The following MYH10 variants were observed in gnomAD, a reference collection of about 807,000 sequenced individuals.
The protein encoded by MYH10 is myosin-10.
MYH10 carries 55 observed loss-of-function variants against 257.8 expected under a neutral mutation model. That is an observed-to-expected ratio of 0.21 (90% CI 0.17 to 0.27). The LOEUF (loss-of-function observed/expected upper bound fraction) is 0.27, where lower values mean the gene tolerates loss of function less well. Among genes scored for constraint, MYH10 ranks in the 10% least tolerant of loss-of-function variants. The pLI is 1.00. For missense variants in MYH10, 1,631 were observed against 2,500.6 expected (o/e 0.65, Z 7.42); for synonymous variants, 854 against 921.7 (o/e 0.93, Z 1.33).
rs1216285065 is a variant in MYH10 at position 8,493,735 on chromosome 17, G to T, written c.4207C>A (p.Gln1403Lys). 1 of 1,612,726 alleles carries T rather than the reference G, an allele frequency of 6.2e-7. No individual in the cohort carries two copies. Among genetic ancestry groups the T allele is most frequent in the Non-Finnish European group, 8.5e-7 (1 of 1,179,492 alleles). ...LEKQVLALQSQLADTKKKVDD... is the reference protein window; with the variant it reads ...LEKQVLALQSKLADTKKKVDD... ...GGCCTCCTAAAGAGGACGCACACCT[G>T]GGACTGCAGGGCCAGCACTTGCTTC... Residue 1403 changes from glutamine (Q) to lysine (K), a missense_variant and splice_region_variant, in exon 32 of 43, where the codon CAG becomes AAG. Gln to Lys is a moderately conservative substitution (Grantham distance 53). This residue lies in a region of MYH10 where 463 missense variants were observed against 621.8 expected (regional missense o/e 0.74). Coordinates refer to ENST00000360416, the MANE Select transcript of MYH10 (RefSeq NM_001256012.3).
intron 6 of MYH10, chr17:8,573,957 A>G (rs1022611006): frequency 3.5e-6 from 1 of 282,702 alleles, no homozygotes; most frequent in African/African-American, 2.3e-5. Context: ...CCTGGTGGCA[A>G]TGTCAAATGG....
chr17:8,608,414 AG>A (rs2084893032), intron 2 of MYH10, among the ~76,000 whole-genome samples: 1 of 152,354 alleles, frequency 6.6e-6, no homozygotes, highest in East Asian at 1.9e-4. Flanking sequence ...AAGCCATTAA[AG>A]ACCGAAGTCA....
chr17:8,584,685 C>T (rs990486368), intron 4 of MYH10, among the ~76,000 whole-genome samples: 3 of 152,014 alleles, frequency 2.0e-5, no homozygotes, highest in Non-Finnish European at 4.4e-5. Flanking sequence ...CTGTTGTTTC[C>T]GTCCAATGCC....
chr17:8,521,395 G>A (rs1801432344), intron 17 of MYH10, 110 bp from the exon 18 acceptor site: 1 of 1,159,512 alleles, frequency 8.6e-7, no homozygotes, highest in African/African-American at 1.5e-5. Context: ...ACAAATGACA[G>A]GAGATGCCAT....
Position 8,506,375 on chromosome 17 carries a change from T to A in MYH10, c.3329A>T (p.Asp1110Val). 6.2e-7 allele frequency: 1 copy of A among 1,611,334 alleles called. No individual in the cohort carries two copies. Among genetic ancestry groups the A allele is most frequent in the Non-Finnish European group, 8.5e-7 (1 of 1,179,216 alleles). ...DQIAELQAQI[D>V]ELKLQLAKKE... is the part of the protein sequence containing the mutation. ...CTTGGCCAGCTGCAGCTTGAGCTCA[T>A]CAATCTGCGCCTGCAGCTCTGCGAT... Residue 1110 changes from aspartate (D) to valine (V), a missense_variant, in exon 27 of 43, where the codon GAT (aspartate) becomes GTT (valine). By Grantham distance (152) the Asp-to-Val change is radical. This residue lies in a region of MYH10 where 169 missense variants were observed against 249.8 expected (regional missense o/e 0.68). Transcript: ENST00000360416. The surrounding 1 kb of genome is among the most constrained non-coding windows in gnomAD (Gnocchi z 5.0).
chr17:8,516,206 G>C (rs1024530233), intron 21 of MYH10, among the ~76,000 whole-genome samples: 6 of 152,200 alleles, frequency 3.9e-5, no homozygotes, highest in African/African-American at 1.4e-4. Flanking sequence ...TGTTTGGAAA[G>C]TGGACTTCAA....
chr17:8,542,086 C>T (rs113551537), intron 14 of MYH10, 21 bp downstream of exon 14: 23 of 1,586,064 alleles, frequency 1.5e-5, no homozygotes, highest in African/African-American at 5.4e-5. Flanking sequence ...TGAAAGACAG[C>T]GAGCAAGTGA....
Position 8,530,779 on chromosome 17 carries a change from G to A in MYH10, c.1895-94C>T, listed in dbSNP as rs2081984522. ...ACATTTGACAGCACAAGTCAACTTT[G>A]AAATCGGGCTACAAAAGGAGCTAGT... On this transcript the variant is annotated intron_variant, in intron 16 of 42. Coordinates refer to ENST00000360416, the MANE Select transcript of MYH10 (RefSeq NM_001256012.3). 13 of 950,598 alleles carry A rather than the reference G, an allele frequency of 1.4e-5. 1 individual carries two copies. The South Asian group carries it at 2.0e-4, about 15-fold the overall frequency. 58.9% of individuals were successfully genotyped at this position (950,598 alleles called of 1,614,324 possible).
Position 8,545,671 on chromosome 17 carries a change from A to G in MYH10, c.1279-71T>C. On this transcript the variant is annotated intron_variant, in intron 12 of 42. Transcript: ENST00000360416. The surrounding 1 kb of genome is among the most constrained non-coding windows in gnomAD (Gnocchi z 4.7). Reference sequence around the variant, plus strand: ...CAAAGCATAAATAGCTGTTTTACGGAATTTAATGTTATACAGCACTCAAAA... The same window carrying G: ...CAAAGCATAAATAGCTGTTTTACGGGATTTAATGTTATACAGCACTCAAAA... 5 of 1,516,440 alleles carry G rather than the reference A, an allele frequency of 3.3e-6. No individual in the cohort carries two copies. Among genetic ancestry groups the G allele is most frequent in the Non-Finnish European group, 4.5e-6 (5 of 1,120,310 alleles). The allele number at this position is 1,516,440 out of a possible 1,614,324, so 93.9% of individuals were successfully genotyped here.
chr17:8,606,218 T>C (rs1050746557), intron 2 of MYH10, among the ~76,000 whole-genome samples: 1 of 152,216 alleles, frequency 6.6e-6, no homozygotes, highest in Admixed American at 6.5e-5. Context: ...ATTGACCCTA[T>C]GAATGCTTAT....
intron 14 of MYH10, among the ~76,000 whole-genome samples, chr17:8,538,224 A>T (rs1329780724): frequency 6.6e-6 from 1 of 152,224 alleles, no homozygotes; most frequent in Non-Finnish European, 1.5e-5. Flanking sequence ...TTATTTTTTG[A>T]GACGGAGTCT....
Position 8,552,799 on chromosome 17 carries a change from C to A in MYH10, c.821-655G>T, listed in dbSNP as rs977516476. On this transcript the variant is annotated intron_variant, in intron 8 of 42. Transcript: ENST00000360416. The surrounding 1 kb of genome is among the most constrained non-coding windows in gnomAD (Gnocchi z 4.8). ...TCTTCCCTCTGCTGCTCTGAAGAAC[C>A]GGTGCGGCCAGTACCTACGCCTGCT... is the stretch of plus-strand genomic sequence containing the variant. Among the ~76,000 whole-genome samples the A allele has an allele frequency of 6.6e-6, 1 of 152,180 alleles. No homozygotes were observed. The highest frequency in any genetic ancestry group is 2.4e-5 in the African/African-American group (1 of 41,430).
intron 4 of MYH10, among the ~76,000 whole-genome samples, chr17:8,584,340 G>A (rs1446794093): frequency 6.6e-6 from 1 of 152,212 alleles, no homozygotes; most frequent in East Asian, 1.9e-4. Flanking sequence ...CTGACCTAAA[G>A]GAAGATGCTG....
rs1356493580 is a variant in MYH10 at position 8,478,366 on chromosome 17, C to T, written c.5678G>A (p.Arg1893His). ...CTCTTTATACTGGTCCGCGTGTCGA[C>T]GCTCATCCTCAACCTGCATGAAGAT... ...KEIFMQVEDE[R>H]RHADQYKEQM... is the part of the protein sequence containing the mutation. Residue 1893 changes from arginine to histidine, a missense_variant, in exon 41 of 43, where the codon CGT becomes CAT. Physicochemically the swap from Arg to His is conservative, Grantham distance 29. Coordinates refer to ENST00000360416, the MANE Select transcript of MYH10 (RefSeq NM_001256012.3). 1.9e-6 allele frequency: 3 copies of T among 1,614,048 alleles called. No individual in the cohort carries two copies. The highest frequency in any genetic ancestry group is 1.3e-5 in the African/African-American group (1 of 75,038).
chr17:8,566,257 A>G (rs1174087770), intron 7 of MYH10, among the ~76,000 whole-genome samples: 3 of 152,236 alleles, frequency 2.0e-5, no homozygotes, highest in East Asian at 3.8e-4. Context: ...GTAAGGATTC[A>G]TAGTAGCCAT....
At position 8,548,805 on chromosome 17, in the gene MYH10, G is replaced by T; in HGVS notation, c.920-18C>A. ...CAAATCAGCTAAAAGGAAATATAAT[G>T]GAAGAAAATTTGATAAATACTCATG... On this transcript the variant is annotated intron_variant, in intron 9 of 42. Coordinates refer to ENST00000360416, the MANE Select transcript of MYH10 (RefSeq NM_001256012.3). 6.3e-7 allele frequency: 1 copy of T among 1,596,854 alleles called. No individual in the cohort carries two copies. Among genetic ancestry groups the T allele is most frequent in the South Asian group, 1.1e-5 (1 of 90,410 alleles).
At chr17:8,548,606 GA>G in intron 10 of MYH10, 37 bp downstream of exon 10, 1 of 1,608,724 alleles carries the variant, frequency 6.2e-7, no homozygotes, top group South Asian at 1.1e-5. Flanking sequence ...TAAGTCTTAG[GA>G]AAGTGAGTAC....
chr17:8,543,416 C>T (rs1412695987), intron 13 of MYH10, among the ~76,000 whole-genome samples: 1 of 151,286 alleles, frequency 6.6e-6, no homozygotes, highest in Non-Finnish European at 1.5e-5. Flanking sequence ...TGTAGGTGAA[C>T]TTTGCTTTGC....
intron 28 of MYH10, among the ~76,000 whole-genome samples, chr17:8,501,866 G>A (rs1872447244): frequency 1.3e-5 from 2 of 152,188 alleles, no homozygotes; most frequent in South Asian, 4.1e-4. Context: ...AAAATTGGCT[G>A]TAACAAATAC....
Sources: allele counts gnomAD v4.1 joint callset (sites outside exome capture counted in the v4.1 genomes callset), GRCh38; gene constraint gnomAD v4.1.1; regional missense constraint gnomAD v4.1.1; non-coding constraint Gnocchi (gnomAD v3.1); transcripts MANE v1.5; gene names NCBI Gene and HGNC (gene_info 2026-07-23, HGNC 2026-07-21).